SLC14A2: variants seen among roughly 807,000 people sequenced by gnomAD.
SLC14A2 encodes solute carrier family 14 member 2.
In SLC14A2, 91 loss-of-function variants were observed where a neutral mutation model predicts 104.6. The observed-to-expected ratio is 0.87, with a 90% CI of 0.73 to 1.04. The LOEUF is 1.04. SLC14A2 is among the 50% of genes least tolerant of loss of function. The pLI is 0.00. For missense variants in SLC14A2, 1,189 were observed against 1,156.0 expected (o/e 1.03, Z -0.41); for synonymous variants, 476 against 466.4 (o/e 1.02, Z -0.27).
chr18:45,560,885 C>A (rs2144309992), intron 2 of SLC14A2, among the ~76,000 whole-genome samples: 1 of 152,268 alleles, frequency 6.6e-6, no homozygotes, highest in South Asian at 2.1e-4. Flanking sequence ...AATGTGCTAT[C>A]CTCATTGGGC....
intron 1 of SLC14A2, among the ~76,000 whole-genome samples, chr18:45,247,534 T>C (rs957687518): frequency 1.4e-4 from 22 of 152,256 alleles, no homozygotes; most frequent in Admixed American, 1.2e-3. Context: ...CTGATAAACA[T>C]ATATAACTCT....
intron 10 of SLC14A2, among the ~76,000 whole-genome samples, chr18:45,658,810 G>C (rs1243937863): frequency 6.6e-6 from 1 of 151,552 alleles, no homozygotes; most frequent in Non-Finnish European, 1.5e-5. Flanking sequence ...TCTGATATTT[G>C]AACAGTTGGC....
intron 1 of SLC14A2, among the ~76,000 whole-genome samples, chr18:45,294,936 T>C (rs1696386995): frequency 6.6e-6 from 1 of 152,250 alleles, no homozygotes; most frequent in Non-Finnish European, 1.5e-5. Context: ...TATTTGTTTT[T>C]CACTTTTTGA....
the SLC14A2 span, among the ~76,000 whole-genome samples, chr18:45,197,480 G>C: frequency 1.3e-5 from 2 of 152,192 alleles, no homozygotes. Flanking sequence ...AAAAACAGGT[G>C]AAGGTGAAGA....
At chr18:45,222,623 G>A (rs974598077) in intron 1 of SLC14A2, among the ~76,000 whole-genome samples, 1 of 152,076 alleles carries the variant, frequency 6.6e-6, no homozygotes, top group Non-Finnish European at 1.5e-5. Flanking sequence ...AGCTGGATGG[G>A]GTGTGAACAA....
intron 1 of SLC14A2, among the ~76,000 whole-genome samples, chr18:45,458,194 G>A (rs1051085869): frequency 3.9e-5 from 6 of 152,166 alleles, no homozygotes; most frequent in African/African-American, 1.4e-4. Flanking sequence ...CTAGAGTGGA[G>A]CCAACAAAAG....
At chr18:45,537,717 A>T (rs1160862091) in intron 2 of SLC14A2, among the ~76,000 whole-genome samples, 2 of 152,224 alleles carry the variant, frequency 1.3e-5, no homozygotes, top group Non-Finnish European at 2.9e-5. Flanking sequence ...AATAGACCGC[A>T]TTGGCCACTG....
intron 1 of SLC14A2, among the ~76,000 whole-genome samples, chr18:45,616,557 A>G (rs1199390371): frequency 2.0e-5 from 3 of 152,142 alleles, no homozygotes; most frequent in Non-Finnish European, 1.5e-5. Flanking sequence ...ACCCATCACC[A>G]GTGGCAAGGT....
At chr18:45,470,762 G>T (rs144893752) in intron 1 of SLC14A2, among the ~76,000 whole-genome samples, 1,593 of 152,126 alleles carry the variant, frequency 0.01, 18 homozygotes, top group African/African-American at 0.025. Flanking sequence ...AATTAATCAT[G>T]ATGATGACGA....
At chr18:45,349,718 G>A (rs1351637091) in intron 1 of SLC14A2, among the ~76,000 whole-genome samples, 2 of 152,170 alleles carry the variant, frequency 1.3e-5, no homozygotes, top group Non-Finnish European at 2.9e-5. Flanking sequence ...TGTTTCCCTG[G>A]AATCATCCAA....
chr18:45,321,452 G>A (rs555154532), intron 1 of SLC14A2, among the ~76,000 whole-genome samples: 1 of 152,322 alleles, frequency 6.6e-6, no homozygotes, highest in African/African-American at 2.4e-5. Flanking sequence ...TATGTGGAAA[G>A]TGGATGCATT....
At chr18:45,668,319 T>C (rs41306964) in intron 14 of SLC14A2, 30 bp from the exon 15 acceptor site, 218 of 1,612,758 alleles carry the variant, frequency 1.4e-4, no homozygotes, top group Non-Finnish European at 1.8e-4. Flanking sequence ...GGGAAGCCCC[T>C]GCTCCACCTG....
At chr18:45,302,662 G>A (rs1371169157) in intron 1 of SLC14A2, among the ~76,000 whole-genome samples, 4 of 152,066 alleles carry the variant, frequency 2.6e-5, no homozygotes, top group South Asian at 2.1e-4. Context: ...ACAGACACTC[G>A]GGTTCTATTA....
At chr18:45,576,465 T>C (rs909967938) in intron 2 of SLC14A2, among the ~76,000 whole-genome samples, 1 of 152,098 alleles carries the variant, frequency 6.6e-6, no homozygotes, top group Non-Finnish European at 1.5e-5. Context: ...TTTGTGTTTT[T>C]AGTAGAGACG....
chr18:45,417,656 G>A (rs990113976), intron 1 of SLC14A2, among the ~76,000 whole-genome samples: 5 of 152,036 alleles, frequency 3.3e-5, no homozygotes, highest in African/African-American at 4.8e-5. Flanking sequence ...GAAGATTATG[G>A]GGACTAAAAT....
intron 1 of SLC14A2, among the ~76,000 whole-genome samples, chr18:45,355,577 C>CAAA (rs768389823): frequency 0.024 from 1,246 of 51,100 alleles, 108 homozygotes; most frequent in African/African-American, 0.075. Context: ...TACTCTGTCT[C>CAAA]AAAAAAAAAA....
intron 1 of SLC14A2, among the ~76,000 whole-genome samples, chr18:45,299,589 G>A (rs1314974737): frequency 6.6e-6 from 1 of 152,164 alleles, no homozygotes; most frequent in African/African-American, 2.4e-5. Flanking sequence ...AGTCTCCCAA[G>A]TAGCTGGGAC....
chr18:45,567,249 A>G (rs1015939161), intron 2 of SLC14A2, among the ~76,000 whole-genome samples: 3 of 152,056 alleles, frequency 2.0e-5, no homozygotes, highest in Non-Finnish European at 4.4e-5. Flanking sequence ...ATCCCAGACT[A>G]AAGTCATAAA....
intron 2 of SLC14A2, among the ~76,000 whole-genome samples, chr18:45,591,398 C>T (rs370263077): frequency 1.7e-4 from 26 of 152,110 alleles, no homozygotes; most frequent in Non-Finnish European, 3.5e-4. Context: ...TGCAGTGGTG[C>T]GATCTCAGCT....
Sources: gnomAD v4.1 joint callset for allele counts (sites outside exome capture counted in the v4.1 genomes callset) on GRCh38, gnomAD v4.1.1 for gene constraint, MANE v1.5 for transcripts, NCBI Gene and HGNC (gene_info 2026-07-23, HGNC 2026-07-21) for gene names.